The following TENM4 variants were observed in gnomAD, a reference collection of about 807,000 sequenced individuals.
TENM4 encodes the protein teneurin transmembrane protein 4.
A neutral mutation model predicts 243.3 loss-of-function variants in TENM4; 82 were observed. The ratio of observed to expected loss-of-function variants is 0.34; its 90% CI spans 0.28 to 0.40. The LOEUF (loss-of-function observed/expected upper bound fraction) is 0.40. Ranked by LOEUF, TENM4 falls within the 10% of genes least tolerant of loss-of-function variation. The pLI is 1.00. For synonymous variants in TENM4, 1,412 were observed against 1,456.3 expected (o/e 0.97, Z 0.69); for missense variants, 3,138 against 3,673.3 (o/e 0.85, Z 3.77).
At chr11:78,766,424 G>C (rs747227979) in intron 18 of TENM4, among the ~76,000 whole-genome samples, 3 of 152,152 alleles carry the variant, frequency 2.0e-5, no homozygotes, top group Non-Finnish European at 4.4e-5. Context: ...CCTAATAAGG[G>C]GCTTCTCAAA....
intron 11 of TENM4, among the ~76,000 whole-genome samples, chr11:78,855,336 G>C (rs1047905893): frequency 1.3e-5 from 2 of 152,190 alleles, no homozygotes; most frequent in African/African-American, 4.8e-5. Context: ...CCTTGCACAA[G>C]TGTCTGTTCT....
intron 1 of TENM4, among the ~76,000 whole-genome samples, chr11:79,434,715 C>A (rs965999785): frequency 6.6e-6 from 1 of 152,084 alleles, no homozygotes; most frequent in African/African-American, 2.4e-5. Context: ...TAAGGGACTG[C>A]AAAATAAATA....
intron 12 of TENM4, among the ~76,000 whole-genome samples, chr11:78,842,296 C>T (rs1320042873): frequency 6.6e-6 from 1 of 152,182 alleles, no homozygotes; most frequent in Non-Finnish European, 1.5e-5. Context: ...TACAAGTGGT[C>T]AATAGAACCA....
chr11:79,359,162 A>AG (rs1857548973), intron 1 of TENM4, among the ~76,000 whole-genome samples: 1 of 152,174 alleles, frequency 6.6e-6, no homozygotes, highest in Non-Finnish European at 1.5e-5. Flanking sequence ...GCTACTTGGG[A>AG]GGCTGAGGCA....
chr11:78,913,580 GGTATGTGTGTGTGTGTGT>G (rs1856242429), intron 6 of TENM4, among the ~76,000 whole-genome samples: 1 of 126,350 alleles, frequency 7.9e-6, no homozygotes, highest in African/African-American at 3.0e-5. Flanking sequence ...ATGGGTAAGA[GGTATGTGTGTGTGTGTGT>G]GTGTGTGTGT....
At chr11:78,892,046 G>A (rs578239943) in intron 7 of TENM4, among the ~76,000 whole-genome samples, 32 of 152,246 alleles carry the variant, frequency 2.1e-4, no homozygotes, top group Admixed American at 1.4e-3. Flanking sequence ...GAGGATCATC[G>A]TCCTTTAGCG....
At chr11:79,130,751 G>T (rs948180597) in intron 4 of TENM4, among the ~76,000 whole-genome samples, 15 of 152,080 alleles carry the variant, frequency 9.9e-5, no homozygotes, top group African/African-American at 3.6e-4. Context: ...TGAACTCGGG[G>T]GGCGGAGCTT....
chr11:79,398,095 T>G (rs1339750001), intron 1 of TENM4, among the ~76,000 whole-genome samples: 2 of 152,202 alleles, frequency 1.3e-5, no homozygotes, highest in African/African-American at 2.4e-5. Context: ...CAAGACAAAT[T>G]ATAAGGAATC....
intron 1 of TENM4, among the ~76,000 whole-genome samples, chr11:79,397,280 T>C (rs1237330197): frequency 6.6e-6 from 1 of 152,212 alleles, no homozygotes; most frequent in Admixed American, 6.5e-5. Flanking sequence ...CATAGCCCCA[T>C]AGTTATAGGT....
At chr11:79,435,291 T>C (rs1015770877) in intron 1 of TENM4, among the ~76,000 whole-genome samples, 23 of 152,200 alleles carry the variant, frequency 1.5e-4, no homozygotes, top group African/African-American at 5.5e-4. Context: ...TATATCTACA[T>C]GGCTTCATTA....
intron 6 of TENM4, among the ~76,000 whole-genome samples, chr11:79,009,858 C>T (rs1858597214): frequency 6.6e-6 from 1 of 152,170 alleles, no homozygotes. Context: ...CAAATCTCAC[C>T]TTGAATTGTA....
chr11:79,151,182 A>G (rs1238970871), intron 3 of TENM4, among the ~76,000 whole-genome samples: 3 of 152,166 alleles, frequency 2.0e-5, no homozygotes, highest in Non-Finnish European at 4.4e-5. Flanking sequence ...GCCTTTATCC[A>G]TACTGTGTGC....
chr11:79,178,103 T>C (rs77464173), intron 3 of TENM4, among the ~76,000 whole-genome samples: 1 of 152,090 alleles, frequency 6.6e-6, no homozygotes. Context: ...GAACTGAAGA[T>C]ATCTGCTGAT....
chr11:79,335,157 G>A (rs530699242), intron 1 of TENM4, among the ~76,000 whole-genome samples: 21 of 152,318 alleles, frequency 1.4e-4, no homozygotes, highest in African/African-American at 4.8e-4. Flanking sequence ...GATTGGGCCT[G>A]ATTGTTTTCT....
rs142082237 is a variant in TENM4, at chr11:78,827,297, C to T, written c.1682-12902G>A. On this transcript the variant is annotated intron_variant, in intron 12 of 33. Coordinates refer to ENST00000278550, the MANE Select transcript of TENM4 (RefSeq NM_001098816.3). Reference sequence around the variant, plus strand: ...ACCAGGAGTTTAAGGATCCAATTGCCCTTTTCAAGTAAGGTCTTTCTCATG... The same window carrying T: ...ACCAGGAGTTTAAGGATCCAATTGCTCTTTTCAAGTAAGGTCTTTCTCATG... 1.9e-3 allele frequency among the ~76,000 whole-genome samples: 283 copies of T among 152,108 alleles called. 1 individual carries two copies. Among genetic ancestry groups the T allele is most frequent in the South Asian group, 5.6e-3 (27 of 4,806 alleles).
intron 6 of TENM4, among the ~76,000 whole-genome samples, chr11:78,987,709 A>T (rs1442447179): frequency 6.6e-6 from 1 of 152,226 alleles, no homozygotes; most frequent in Non-Finnish European, 1.5e-5. Flanking sequence ...GCTACATTCA[A>T]ATAATAAAAA....
chr11:78,858,470 G>A (rs994711415), intron 10 of TENM4, among the ~76,000 whole-genome samples: 1 of 152,174 alleles, frequency 6.6e-6, no homozygotes, highest in African/African-American at 2.4e-5. Context: ...GACAGGCTGG[G>A]AGCTGTTGAG....
rs560300316 is a variant in TENM4, at chr11:79,001,313, G to T, written c.493+63425C>A. Among the ~76,000 whole-genome samples, 19 of 152,266 alleles carry T rather than the reference G, an allele frequency of 1.2e-4. No homozygotes were observed. The South Asian group carries it at 2.7e-3, about 22-fold the overall frequency. On this transcript the variant is annotated intron_variant, in intron 6 of 33. Transcript: ENST00000278550. ...AGGGAAGACATTGATAGTGGATGAA[G>T]GGAGGATGCAGATGCTGGGCTGAAG... is the stretch of plus-strand genomic sequence containing the variant.
At chr11:79,430,450 G>T (rs762472891) in intron 1 of TENM4, among the ~76,000 whole-genome samples, 4 of 152,164 alleles carry the variant, frequency 2.6e-5, no homozygotes, top group African/African-American at 9.7e-5. Flanking sequence ...TTATGGCAGG[G>T]GTCATGTTGA....
Sources: gnomAD v4.1 joint callset for allele counts (sites outside exome capture counted in the v4.1 genomes callset) on GRCh38, gnomAD v4.1.1 for gene constraint, MANE v1.5 for transcripts, NCBI Gene and HGNC (gene_info 2026-07-23, HGNC 2026-07-21) for gene names.